The following DPY19L3 variants were observed in gnomAD, a reference collection of about 807,000 sequenced individuals.
The protein encoded by DPY19L3 is dpy-19 like C-mannosyltransferase 3, also known as protein C-mannosyl-transferase DPY19L3.
DPY19L3 carries 51 observed loss-of-function variants against 92.3 expected under a neutral mutation model. The observed-to-expected ratio is 0.55, with a 90% CI of 0.44 to 0.70. DPY19L3 has a LOEUF of 0.70. DPY19L3 is among the 30% of genes least tolerant of loss of function. DPY19L3 has a pLI of 0.00. For missense variants in DPY19L3, 706 were observed against 855.9 expected, an observed-to-expected ratio of 0.82 and a Z score of 2.18; for synonymous variants, 309 against 315.2, an observed-to-expected ratio of 0.98 and a Z score of 0.21.
In DPY19L3 at chr19:32,463,859, G is replaced by A. The variant is rs373599141; in HGVS notation, c.1446-10G>A. ...GTACTTCTGACTTGCGCCTGTGTCT[G>A]TTCTTGCAGAATGAAGTACCTCTGG... is the stretch of plus-strand genomic sequence containing the variant. On this transcript the variant is annotated splice_polypyrimidine_tract_variant and intron_variant, in intron 13 of 18. Coordinates refer to ENST00000392250, the MANE Select transcript of DPY19L3 (RefSeq NM_001172774.2). 1 of 1,609,328 alleles carries A rather than the reference G, an allele frequency of 6.2e-7. No individual in the cohort carries two copies. The highest frequency in any genetic ancestry group is 8.5e-7 in the Non-Finnish European group (1 of 1,176,224).
chr19:32,436,378 C>T, intron 4 of DPY19L3, 68 bp from the exon 5 acceptor site: 2 of 1,228,066 alleles, frequency 1.6e-6, no homozygotes. Context: ...ACAATCTGTG[C>T]ATAGTTTTGA....
chr19:32,467,076 A>G (rs1970223643), intron 15 of DPY19L3, among the ~76,000 whole-genome samples: 1 of 152,236 alleles, frequency 6.6e-6, no homozygotes, highest in Non-Finnish European at 1.5e-5. Flanking sequence ...AAAGGGAAAA[A>G]AGCATGTACT....
chr19:32,460,387 G>T (rs979796307), intron 12 of DPY19L3, among the ~76,000 whole-genome samples: 1 of 152,086 alleles, frequency 6.6e-6, no homozygotes, highest in Non-Finnish European at 1.5e-5. Context: ...CTCTACCCTG[G>T]GTAACAGAGT....
At chr19:32,481,381 T>C (rs1010052160) in intron 18 of DPY19L3, 3 of 152,108 alleles carry the variant, frequency 2.0e-5, no homozygotes, top group Admixed American at 1.3e-4. Context: ...ATTTAAATTT[T>C]GATTTGAGCG....
chr19:32,414,679 A>T (rs552756901), intron 3 of DPY19L3, among the ~76,000 whole-genome samples: 1 of 152,356 alleles, frequency 6.6e-6, no homozygotes, highest in Non-Finnish European at 1.5e-5. Context: ...TTTTGAAAAA[A>T]GGCTGAAATA....
chr19:32,407,328 C>G (rs1254938293), intron 1 of DPY19L3, among the ~76,000 whole-genome samples: 1 of 151,552 alleles, frequency 6.6e-6, no homozygotes, highest in Admixed American at 6.6e-5. Flanking sequence ...TGGCACACCC[C>G]CGCAGTCATC....
intron 3 of DPY19L3, among the ~76,000 whole-genome samples, chr19:32,414,415 C>CA (rs36063807): frequency 0.55 from 75,353 of 138,198 alleles, 20,211 homozygotes; most frequent in East Asian, 0.62. Context: ...ACTCTGTCTC[C>CA]AAAAAAAAAA....
At chr19:32,420,687 T>A (rs1968540232) in intron 3 of DPY19L3, among the ~76,000 whole-genome samples, 1 of 152,096 alleles carries the variant, frequency 6.6e-6, no homozygotes. Context: ...TGACCTCAGG[T>A]GTTCCGCCCA....
At chr19:32,438,943 G>GGATGATGAT (rs61070378) in intron 6 of DPY19L3, 169 bp from the exon 7 acceptor site, 3 of 687,304 alleles carry the variant, frequency 4.4e-6, no homozygotes, top group Admixed American at 3.0e-5. Context: ...TATGTTACAG[G>GGATGATGAT]GATGATGATG....
At chr19:32,457,271 G>GA (rs1969895116) in intron 10 of DPY19L3, among the ~76,000 whole-genome samples, 1 of 152,124 alleles carries the variant, frequency 6.6e-6, no homozygotes. Flanking sequence ...TTACCCATGG[G>GA]AAAAAATTAT....
intron 5 of DPY19L3, 137 bp from the exon 6 acceptor site, chr19:32,437,057 G>A: frequency 2.0e-6 from 2 of 996,788 alleles, no homozygotes; most frequent in Non-Finnish European, 2.9e-6. Flanking sequence ...TTCTCTAATA[G>A]ATGAAAGGGG....
At chr19:32,408,961 A>T (rs1054102108) in intron 2 of DPY19L3, among the ~76,000 whole-genome samples, 1 of 152,234 alleles carries the variant, frequency 6.6e-6, no homozygotes, top group Non-Finnish European at 1.5e-5. Flanking sequence ...TTTAAAAGTT[A>T]ACATGAAAAT....
At chr19:32,459,228 T>C (rs1051721420) in intron 12 of DPY19L3, among the ~76,000 whole-genome samples, 2 of 152,204 alleles carry the variant, frequency 1.3e-5, no homozygotes, top group Non-Finnish European at 2.9e-5. Flanking sequence ...TAAGAATATC[T>C]ACCCATCAAG....
At chr19:32,440,319 G>A (rs1599627974) in intron 8 of DPY19L3, among the ~76,000 whole-genome samples, 1 of 152,210 alleles carries the variant, frequency 6.6e-6, no homozygotes, top group African/African-American at 2.4e-5. Flanking sequence ...ACTAATATGG[G>A]ATGTGAATCC....
chr19:32,460,360 A>G (rs1969998940), intron 12 of DPY19L3, among the ~76,000 whole-genome samples: 3 of 152,196 alleles, frequency 2.0e-5, no homozygotes, highest in South Asian at 4.1e-4. Flanking sequence ...TCAGTGAACT[A>G]TAATTGCACC....
chr19:32,452,617 C>T (rs548206975), intron 8 of DPY19L3, among the ~76,000 whole-genome samples: 9 of 152,258 alleles, frequency 5.9e-5, no homozygotes, highest in Middle Eastern at 3.4e-3. Context: ...TCTTTACTTC[C>T]CCTTTAATTA....
Sources: allele counts gnomAD v4.1 joint callset (sites outside exome capture counted in the v4.1 genomes callset), GRCh38; gene constraint gnomAD v4.1.1; transcripts MANE v1.5; gene names NCBI Gene and HGNC (gene_info 2026-07-23, HGNC 2026-07-21).